NBAS: variants seen among roughly 807,000 people sequenced by gnomAD.
NBAS encodes the protein NAG/BC035112 fusion.
A neutral mutation model predicts 302.5 loss-of-function variants in NBAS; 219 were observed. The ratio of observed to expected loss-of-function variants is 0.72; its 90% CI spans 0.65 to 0.81. The LOEUF is 0.81. Ranked by LOEUF, NBAS falls within the 30% of genes least tolerant of loss-of-function variation. The pLI is 0.00. For synonymous variants in NBAS, 1,118 were observed against 1,021.6 expected, an observed-to-expected ratio of 1.09 and a Z score of -1.80; for missense variants, 2,932 against 2,841.6, an observed-to-expected ratio of 1.03 and a Z score of -0.72.
At chr2:14,820,789 A>T in the NBAS span, among the ~76,000 whole-genome samples, 1 of 152,186 alleles carries the variant, frequency 6.6e-6, no homozygotes, top group Non-Finnish European at 1.5e-5. Flanking sequence ...TTTAGGATGG[A>T]GCCTGAACAG....
the NBAS span, among the ~76,000 whole-genome samples, chr2:14,975,915 G>A: frequency 6.6e-6 from 1 of 152,186 alleles, no homozygotes; most frequent in Admixed American, 6.5e-5. Flanking sequence ...GGTTTATGAA[G>A]TTTATGAAGG....
rs991557010 is a variant in NBAS, at chr2:15,526,922, A to C, written c.746+7621T>G. ...ATCCCATAATAATTATTCAGTGTGT[A>C]ATCATTTCAATCCTACGGTCCCACT... is the stretch of plus-strand genomic sequence containing the variant. On this transcript the variant is annotated intron_variant, in intron 9 of 51. Coordinates refer to ENST00000281513, the MANE Select transcript of NBAS (RefSeq NM_015909.4). Among the ~76,000 whole-genome samples the C allele has an allele frequency of 2.0e-5, 3 of 152,190 alleles. No homozygotes were observed. In the South Asian group the frequency reaches 6.2e-4, roughly 32 times the overall value.
the NBAS span, among the ~76,000 whole-genome samples, chr2:15,104,452 T>A: frequency 6.6e-6 from 1 of 152,158 alleles, no homozygotes; most frequent in Admixed American, 6.6e-5. Context: ...GAAATGACAG[T>A]CTTTGCCTTC....
chr2:15,303,808 G>A (rs998056096), intron 40 of NBAS, among the ~76,000 whole-genome samples: 1 of 152,202 alleles, frequency 6.6e-6, no homozygotes, highest in Non-Finnish European at 1.5e-5. Flanking sequence ...GAAGATTATA[G>A]GCCAAAATGT....
chr2:14,992,001 T>C, the NBAS span, among the ~76,000 whole-genome samples: 2 of 151,936 alleles, frequency 1.3e-5, no homozygotes, highest in Non-Finnish European at 2.9e-5. Context: ...AGGGTGGAGA[T>C]AGTGTGTGGA....
At chr2:14,807,525 G>C in the NBAS span, among the ~76,000 whole-genome samples, 1 of 151,662 alleles carries the variant, frequency 6.6e-6, no homozygotes, top group Non-Finnish European at 1.5e-5. Flanking sequence ...TGGGCTCAGA[G>C]GCAACTTTGC....
At position 15,475,793 on chromosome 2, in the gene NBAS, A is replaced by G. The variant is rs1457251476; in HGVS notation, c.1235T>C (p.Val412Ala). The G allele has an allele frequency of 6.2e-7, 1 of 1,613,998 alleles. No individual in the cohort carries two copies. Among genetic ancestry groups the G allele is most frequent in the Non-Finnish European group, 8.5e-7 (1 of 1,179,990 alleles). ...ATTCTTCAAAGTTTTCACAGATGAA[A>G]CAGTTAAAGCACCAGAGCATCGAGC... Reference protein sequence around the residue: ...TLARCSGALTVSSVKTLKNLL... With the variant: ...TLARCSGALTASSVKTLKNLL... Residue 412 changes from valine to alanine, a missense_variant, in exon 14 of 52, where the codon GTT becomes GCT. By Grantham distance (64) the Val-to-Ala change is moderately conservative. Coordinates refer to ENST00000281513, the MANE Select transcript of NBAS (RefSeq NM_015909.4).
Position 15,451,997 on chromosome 2 carries a change from T to TAA in NBAS, c.2339+9202_2339+9203dup, listed in dbSNP as rs754723466. On this transcript the variant is annotated intron_variant, in intron 21 of 51. Transcript: ENST00000281513. ...ATATCATACCTTGAGAACATTACGCTAAAAAAAAAAAAAAGTCAATAAATG... is the reference window on the plus strand; with the variant it reads ...ATATCATACCTTGAGAACATTACGCTAAAAAAAAAAAAAAAAGTCAATAAATG... Among the ~76,000 whole-genome samples the TAA allele has an allele frequency of 8.1e-3, 1,104 of 136,790 alleles. 17 individuals carry two copies. Among genetic ancestry groups the TAA allele is most frequent in the East Asian group, 0.061 (292 of 4,794 alleles). The allele number at this position is 136,790 out of a possible 152,430, so 89.7% of individuals were successfully genotyped here.
Position 15,467,807 on chromosome 2 carries a change from G to T in NBAS, c.1878-3C>A. On this transcript the variant is annotated splice_region_variant and splice_polypyrimidine_tract_variant and intron_variant, in intron 17 of 51. Coordinates refer to ENST00000281513, the MANE Select transcript of NBAS (RefSeq NM_015909.4). Reference sequence around the variant, plus strand: ...CTATTTCACCAGGTAATGTAAATCTGCAAGTATAAAAGAACAAATATATTT... The same window carrying T: ...CTATTTCACCAGGTAATGTAAATCTTCAAGTATAAAAGAACAAATATATTT... 1 of 1,580,472 alleles carries T rather than the reference G, an allele frequency of 6.3e-7. No individual in the cohort carries two copies. Among genetic ancestry groups the T allele is most frequent in the Non-Finnish European group, 8.7e-7 (1 of 1,151,162 alleles).
At chr2:14,843,948 T>C in the NBAS span, among the ~76,000 whole-genome samples, 1 of 151,998 alleles carries the variant, frequency 6.6e-6, no homozygotes, top group Admixed American at 6.6e-5. Context: ...GGGCCCTAAA[T>C]TAACTTGAAA....
chr2:15,343,623 T>C (rs1672957288), intron 35 of NBAS, among the ~76,000 whole-genome samples: 1 of 152,110 alleles, frequency 6.6e-6, no homozygotes, highest in Non-Finnish European at 1.5e-5. Flanking sequence ...TATTGTGATA[T>C]GAGGTAAAGT....
intron 43 of NBAS, 120 bp from the exon 44 acceptor site, chr2:15,275,938 C>T: frequency 1.2e-6 from 1 of 827,100 alleles, no homozygotes; most frequent in Non-Finnish European, 1.9e-6. Flanking sequence ...CAACTTAGCT[C>T]TAAGTAGCTA....
chr2:15,251,220 C>T (rs574018504), intron 44 of NBAS, among the ~76,000 whole-genome samples: 1 of 152,246 alleles, frequency 6.6e-6, no homozygotes, highest in South Asian at 2.1e-4. Flanking sequence ...GAAAACCAAA[C>T]ACTGCATGTT....
intron 42 of NBAS, among the ~76,000 whole-genome samples, chr2:15,285,275 T>C (rs1669987400): frequency 1.3e-5 from 2 of 152,184 alleles, no homozygotes; most frequent in Non-Finnish European, 2.9e-5. Flanking sequence ...TCTTGACCAT[T>C]CAGCAGGATT....
intron 41 of NBAS, among the ~76,000 whole-genome samples, chr2:15,288,267 C>T (rs1349221351): frequency 6.6e-6 from 1 of 152,192 alleles, no homozygotes; most frequent in Non-Finnish European, 1.5e-5. Flanking sequence ...TTGAGGAATT[C>T]ACAGCCTAGT....
At chr2:15,147,057 T>C in the NBAS span, among the ~76,000 whole-genome samples, 3 of 152,084 alleles carry the variant, frequency 2.0e-5, no homozygotes, top group Admixed American at 2.0e-4. Context: ...ATTTAGGAAA[T>C]GTGAGCTGTC....
chr2:15,455,952 T>G (rs9287663), intron 21 of NBAS, among the ~76,000 whole-genome samples: 91,846 of 151,854 alleles, frequency 0.6, 28,763 homozygotes, highest in Non-Finnish European at 0.68. Flanking sequence ...CCAAAATGCT[T>G]CTTCTAACAG....
chr2:15,086,100 T>C, the NBAS span, among the ~76,000 whole-genome samples: 1 of 152,044 alleles, frequency 6.6e-6, no homozygotes, highest in Non-Finnish European at 1.5e-5. Context: ...GGGACTTGTG[T>C]TGCCTTTTCT....
chr2:14,905,557 T>C, the NBAS span, among the ~76,000 whole-genome samples: 1 of 152,034 alleles, frequency 6.6e-6, no homozygotes, highest in South Asian at 2.1e-4. Flanking sequence ...AGTAACCAAA[T>C]AGCCTGGCCA....
Sources: allele counts gnomAD v4.1 joint callset (sites outside exome capture counted in the v4.1 genomes callset), GRCh38; gene constraint gnomAD v4.1.1; transcripts MANE v1.5; gene names NCBI Gene and HGNC (gene_info 2026-07-23, HGNC 2026-07-21).